HECW2: variants seen among roughly 807,000 people sequenced by gnomAD.
HECW2 encodes E3 ubiquitin-protein ligase HECW2.
HECW2 carries 61 observed loss-of-function variants against 175.2 expected under a neutral mutation model. The observed-to-expected ratio is 0.35, with a 90% confidence interval of 0.28 to 0.43. The LOEUF (loss-of-function observed/expected upper bound fraction) is 0.43, where lower values mean the gene tolerates loss of function less well. Ranked by LOEUF, HECW2 falls within the 20% of genes least tolerant of loss-of-function variation. The pLI, the probability that HECW2 is intolerant of heterozygous loss-of-function variation, is 1.00. For synonymous variants in HECW2, 671 were observed against 731.0 expected (o/e 0.92, Z 1.32); for missense variants, 1,524 against 2,000.5 (o/e 0.76, Z 4.54).
intron 18 of HECW2, among the ~76,000 whole-genome samples, chr2:196,256,851 G>A (rs1039064230): frequency 1.1e-4 from 17 of 151,582 alleles, no homozygotes; most frequent in African/African-American, 4.1e-4. Context: ...AGAGTCAACT[G>A]AAGTGAAGTA....
intron 1 of HECW2, among the ~76,000 whole-genome samples, chr2:196,453,133 A>G (rs1336412435): frequency 1.3e-5 from 2 of 152,198 alleles, no homozygotes; most frequent in Non-Finnish European, 1.5e-5. Flanking sequence ...ATCCACTCAC[A>G]TAAGAAAGAA....
chr2:196,491,079 C>A (rs549653733), intron 1 of HECW2, among the ~76,000 whole-genome samples: 1 of 152,032 alleles, frequency 6.6e-6, no homozygotes, highest in Admixed American at 6.6e-5. Flanking sequence ...AAATCACGCA[C>A]TCAAAATACA....
intron 2 of HECW2, among the ~76,000 whole-genome samples, chr2:196,407,139 T>TA (rs34691863): frequency 6.6e-6 from 1 of 151,896 alleles, no homozygotes; most frequent in Non-Finnish European, 1.5e-5. Flanking sequence ...CTTTCTGGTA[T>TA]AAAAAAGTTA....
intron 10 of HECW2, among the ~76,000 whole-genome samples, chr2:196,313,043 C>G (rs1164098304): frequency 6.6e-6 from 1 of 152,144 alleles, no homozygotes; most frequent in Non-Finnish European, 1.5e-5. Context: ...TATGCAACAT[C>G]CTGGGATCCT....
intron 2 of HECW2, among the ~76,000 whole-genome samples, chr2:196,426,268 T>C (rs1695545083): frequency 6.6e-6 from 1 of 152,162 alleles, no homozygotes; most frequent in Non-Finnish European, 1.5e-5. Flanking sequence ...AATTTGCTAT[T>C]CACTTCATTA....
At chr2:196,252,750 T>A (rs1453811734) in intron 19 of HECW2, among the ~76,000 whole-genome samples, 2 of 152,246 alleles carry the variant, frequency 1.3e-5, no homozygotes, top group Admixed American at 1.3e-4. Context: ...TACACAAGAA[T>A]GGCCTAACAC....
intron 17 of HECW2, among the ~76,000 whole-genome samples, chr2:196,268,414 A>AT (rs1173942763): frequency 6.6e-6 from 1 of 152,122 alleles, no homozygotes; most frequent in Admixed American, 6.5e-5. Flanking sequence ...TGCCACTAAA[A>AT]AAAAATCTTC....
At chr2:196,540,733 G>C (rs1021239492) in intron 1 of HECW2, among the ~76,000 whole-genome samples, 1 of 152,040 alleles carries the variant, frequency 6.6e-6, no homozygotes, top group East Asian at 1.9e-4. Flanking sequence ...CACTGCACCT[G>C]GTCAGGAATC....
intron 9 of HECW2, 138 bp from the exon 10 acceptor site, chr2:196,317,507 G>C (rs1159977560): frequency 1.5e-6 from 1 of 659,412 alleles, no homozygotes; most frequent in Non-Finnish European, 2.7e-6. Context: ...TGAGGACCTA[G>C]AAACAAAAGA....
At chr2:196,331,388 G>T in intron 4 of HECW2, 1 of 572,518 alleles carries the variant, frequency 1.7e-6, no homozygotes, top group Non-Finnish European at 2.2e-6. Context: ...GCTGGACTAT[G>T]ACTGAGACAC....
chr2:196,492,298 C>A (rs1017093497), intron 1 of HECW2, among the ~76,000 whole-genome samples: 4 of 152,068 alleles, frequency 2.6e-5, no homozygotes, highest in African/African-American at 9.7e-5. Context: ...TAGCCTGGAC[C>A]GTCATCCAGA....
In HECW2 at chr2:196,278,614, G is replaced by T. The variant is rs1395802562; in HGVS notation, c.3049C>A (p.Arg1017=). The change falls in exon 15 of 29, where the codon CGG becomes AGG. Residue 1017 remains arginine, a synonymous_variant. Coordinates refer to ENST00000644978, the MANE Select transcript of HECW2 (RefSeq NM_001348768.2). ...GGTCTACTGCTCTGAAGTGGGAGCC[G>T]GGGATCAATGAAAGTGGTGGTGCGG... is the stretch of plus-strand genomic sequence containing the variant. ...NSRTTTFIDP[R]LPLQSSRPTS... is the part of the protein sequence containing the mutation. 36 of 1,613,864 alleles carry T rather than the reference G, an allele frequency of 2.2e-5. No homozygotes were observed. The highest frequency in any genetic ancestry group is 2.7e-5 in the Non-Finnish European group (32 of 1,179,974).
intron 13 of HECW2, among the ~76,000 whole-genome samples, chr2:196,302,107 G>C (rs1428917025): frequency 6.6e-6 from 1 of 152,164 alleles, no homozygotes; most frequent in Non-Finnish European, 1.5e-5. Context: ...CATATGGCTA[G>C]CCAGTTCTCC....
chr2:196,457,807 C>T (rs41416544), intron 1 of HECW2, among the ~76,000 whole-genome samples: 20,664 of 149,310 alleles, frequency 0.14, 1,457 homozygotes, highest in Middle Eastern at 0.22. Flanking sequence ...CATACTCATA[C>T]CCGCTACTAC....
intron 3 of HECW2, among the ~76,000 whole-genome samples, chr2:196,341,917 C>A (rs531092064): frequency 1.3e-5 from 2 of 152,236 alleles, no homozygotes; most frequent in East Asian, 3.9e-4. Flanking sequence ...GTTTGATATG[C>A]TTCACAAAGA....
intron 1 of HECW2, among the ~76,000 whole-genome samples, chr2:196,528,465 G>A (rs1688742230): frequency 6.6e-6 from 1 of 152,158 alleles, no homozygotes; most frequent in African/African-American, 2.4e-5. Context: ...TTTGTTGCCA[G>A]AAACAACCAA....
At chr2:196,491,946 G>A (rs1302284551) in intron 1 of HECW2, among the ~76,000 whole-genome samples, 3 of 152,018 alleles carry the variant, frequency 2.0e-5, no homozygotes, top group Admixed American at 1.3e-4. Flanking sequence ...TTCATTTAAA[G>A]TGAATATAAT....
intron 10 of HECW2, 179 bp downstream of exon 10, chr2:196,317,095 C>T: frequency 1.8e-6 from 1 of 543,518 alleles, no homozygotes; most frequent in Non-Finnish European, 3.3e-6. Context: ...CATAATGGTG[C>T]CAGAGAAGAG....
intron 28 of HECW2, among the ~76,000 whole-genome samples, chr2:196,202,600 T>C (rs1236251006): frequency 6.6e-6 from 1 of 152,190 alleles, no homozygotes; most frequent in Admixed American, 6.5e-5. Flanking sequence ...AATAGAGGTA[T>C]TGTTAGCTAC....
Sources: allele counts gnomAD v4.1 joint callset (sites outside exome capture counted in the v4.1 genomes callset), GRCh38; gene constraint gnomAD v4.1.1; transcripts MANE v1.5; gene names NCBI Gene and HGNC (gene_info 2026-07-23, HGNC 2026-07-21).